The following OVCH1 variants were observed in gnomAD, a reference collection of about 807,000 sequenced individuals.
The protein encoded by OVCH1 is ovochymase 1, also known as ovochymase-1.
OVCH1 carries 139 observed loss-of-function variants against 138.4 expected under a neutral mutation model. The ratio of observed to expected loss-of-function variants is 1.00; its 90% CI spans 0.87 to 1.16. The LOEUF (loss-of-function observed/expected upper bound fraction) is 1.16, where lower values mean the gene tolerates loss of function less well. Among genes scored for constraint, OVCH1 ranks in the 50% most tolerant of loss-of-function variants. OVCH1 has a pLI of 0.00. For missense variants in OVCH1, 1,367 were observed against 1,357.9 expected, an observed-to-expected ratio of 1.01 and a Z score of -0.11; for synonymous variants, 453 against 467.8, an observed-to-expected ratio of 0.97 and a Z score of 0.41.
At position 29,448,847 on chromosome 12, in the gene OVCH1, T is replaced by C. The variant is rs538211869; in HGVS notation, c.2755+2498A>G. On this transcript the variant is annotated intron_variant, in intron 22 of 27. Coordinates refer to ENST00000318184, the Ensembl canonical transcript of OVCH1. ...AGCAGTTTCTCTGACCTCTATGCAC[T>C]TCAGAATCAAGCATAAATATATACC... 5.8e-4 allele frequency among the ~76,000 whole-genome samples: 88 copies of C among 152,226 alleles called. 1 individual carries two copies. The highest frequency in any genetic ancestry group is 2.1e-3 in the African/African-American group (87 of 41,552).
downstream of OVCH1, among the ~76,000 whole-genome samples, chr12:29,410,913 C>T (rs1449108157): frequency 1.3e-5 from 2 of 152,012 alleles, no homozygotes; most frequent in African/African-American, 4.8e-5. Flanking sequence ...TGTTTTCCAT[C>T]TTGGTTCCAT....
At chr12:29,465,954 G>A (rs1006727377) in intron 16 of OVCH1, among the ~76,000 whole-genome samples, 6 of 151,822 alleles carry the variant, frequency 4.0e-5, no homozygotes, top group African/African-American at 1.5e-4. Flanking sequence ...GTAGGGACAC[G>A]GATGAAGCTG....
At chr12:29,453,302 C>T (rs1461963764) in intron 21 of OVCH1, among the ~76,000 whole-genome samples, 1 of 152,164 alleles carries the variant, frequency 6.6e-6, no homozygotes, top group Non-Finnish European at 1.5e-5. Flanking sequence ...TGGGTCCACT[C>T]CTTATTCCTG....
chr12:29,434,803 T>G (rs1387943632), intron 26 of OVCH1, among the ~76,000 whole-genome samples: 1 of 152,192 alleles, frequency 6.6e-6, no homozygotes, highest in African/African-American at 2.4e-5. Flanking sequence ...TTCTGCTATA[T>G]CAATATAAAA....
intron 15 of OVCH1, among the ~76,000 whole-genome samples, chr12:29,472,383 T>A (rs1592085944): frequency 6.6e-6 from 1 of 152,316 alleles, no homozygotes; most frequent in East Asian, 1.9e-4. Flanking sequence ...TCATTATATC[T>A]TCTTGTTTTA....
chr12:29,464,897 G>A (rs1159566968), intron 17 of OVCH1, among the ~76,000 whole-genome samples, 195 bp from the exon 18 acceptor site: 2 of 152,140 alleles, frequency 1.3e-5, no homozygotes, highest in Non-Finnish European at 2.9e-5. Context: ...TCTGGATAAA[G>A]GTGGTGCTGG....
chr12:29,421,173 A>G (rs761761914), intron 3 of OVCH1, among the ~76,000 whole-genome samples: 16 of 152,202 alleles, frequency 1.1e-4, no homozygotes, highest in Non-Finnish European at 1.8e-4. Flanking sequence ...CTACCAACCA[A>G]CCTAGGCTCT....
Position 29,491,157 on chromosome 12 carries a change from C to T in OVCH1, c.490G>A (p.Asp164Asn), listed in dbSNP as rs193297285. ...AGAATTCCTGGTTCAACTTTATCAT[C>T]GCTGTCAGGAAGACAGATTGGCTGA... Residue 164 changes from aspartate to asparagine, a missense_variant, in exon 5 of 28, where the codon GAT becomes AAT. Transcript: ENST00000318184. The T allele has an allele frequency of 1.4e-5, 22 of 1,613,712 alleles. No homozygotes were observed. In the East Asian group the frequency reaches 2.7e-4, roughly 20 times the overall value.
chr12:29,454,761 A>AT, intron 21 of OVCH1, 80 bp downstream of exon 21: 1 of 1,305,982 alleles, frequency 7.7e-7, no homozygotes, highest in Non-Finnish European at 1.1e-6. Context: ...TCCATAGAAA[A>AT]TTTAGCAAAG....
chr12:29,454,855 C>A, exon 21 of OVCH1: 1 of 1,609,746 alleles, frequency 6.2e-7, no homozygotes, highest in East Asian at 2.2e-5. Context: ...CCAAGATGCA[C>A]TGTCTGGTGA....
chr12:29,477,318 A>G (rs1380299648), intron 11 of OVCH1, 23 bp downstream of exon 11: 1 of 1,613,850 alleles, frequency 6.2e-7, no homozygotes, highest in Non-Finnish European at 8.5e-7. Flanking sequence ...AATGGCAAGG[A>G]ATTAAATACC....
At chr12:29,460,464 C>T (rs1170808785) in intron 19 of OVCH1, among the ~76,000 whole-genome samples, 1 of 152,116 alleles carries the variant, frequency 6.6e-6, no homozygotes. Context: ...TTCCTCACAT[C>T]TTCCAGCCCA....
At chr12:29,426,102 C>T (rs1941175864), downstream of OVCH1, 1 of 152,174 alleles carries the variant, frequency 6.6e-6, no homozygotes, top group Non-Finnish European at 1.5e-5. Context: ...TCTTTACTAT[C>T]GCTGCTCTGA....
At chr12:29,422,704 G>A (rs985312287), downstream of OVCH1, among the ~76,000 whole-genome samples, 1 of 152,122 alleles carries the variant, frequency 6.6e-6, no homozygotes, top group Non-Finnish European at 1.5e-5. Flanking sequence ...CATTAAGTTT[G>A]TTTCTATTTT....
chr12:29,433,325 G>C (rs565959827), intron 27 of OVCH1, among the ~76,000 whole-genome samples: 53 of 152,102 alleles, frequency 3.5e-4, no homozygotes, highest in Non-Finnish European at 6.3e-4. Flanking sequence ...CACAAGATCT[G>C]ATGGTTTTAT....
intron 18 of OVCH1, among the ~76,000 whole-genome samples, chr12:29,463,272 C>A (rs960067840): frequency 4.6e-5 from 7 of 152,102 alleles, no homozygotes; most frequent in Non-Finnish European, 1.0e-4. Context: ...GATGGGAGGC[C>A]CGTCCTGCTG....
chr12:29,484,292 G>A (rs1397958070), intron 8 of OVCH1, among the ~76,000 whole-genome samples: 1 of 152,166 alleles, frequency 6.6e-6, no homozygotes, highest in Non-Finnish European at 1.5e-5. Flanking sequence ...AGAAATAAAT[G>A]TGACAGAATT....
intron 12 of OVCH1, 140 bp downstream of exon 12, chr12:29,476,962 T>A (rs1426451579): frequency 9.4e-7 from 1 of 1,059,728 alleles, no homozygotes; most frequent in East Asian, 2.7e-5. Context: ...AGAGATTTCT[T>A]TTCAGAGTAA....
chr12:29,497,383 CAT>C (rs746171047), intron 1 of OVCH1, among the ~76,000 whole-genome samples: 2 of 152,196 alleles, frequency 1.3e-5, no homozygotes, highest in Non-Finnish European at 2.9e-5. Flanking sequence ...TTAGTACACA[CAT>C]GATTAGCAGG....
Sources: gnomAD v4.1 joint callset for allele counts (sites outside exome capture counted in the v4.1 genomes callset) on GRCh38, gnomAD v4.1.1 for gene constraint, MANE v1.5 for transcripts, NCBI Gene and HGNC (gene_info 2026-07-23, HGNC 2026-07-21) for gene names.